FRMD4A: variants seen among roughly 807,000 people sequenced by gnomAD.
The protein encoded by FRMD4A is FERM domain-containing protein 4A.
Under a neutral mutation model 129.1 loss-of-function variants are expected in FRMD4A, and 29 were observed. The ratio of observed to expected loss-of-function variants is 0.22; its 90% CI spans 0.17 to 0.31. The LOEUF (loss-of-function observed/expected upper bound fraction) is 0.31, where lower values mean the gene tolerates loss of function less well. FRMD4A is among the 10% of genes least tolerant of loss of function. FRMD4A has a pLI of 1.00. For synonymous variants in FRMD4A, 634 were observed against 571.6 expected, an observed-to-expected ratio of 1.11 and a Z score of -1.56; for missense variants, 1,272 against 1,375.8, an observed-to-expected ratio of 0.92 and a Z score of 1.19.
Position 13,644,583 on chromosome 10 carries a change from G to C in FRMD4A, c.*2455C>G, listed in dbSNP as rs779117670. ...TTAGAATTTTTGCCTCTCATTCCTT[G>C]CAACTCCAGTGGGCTAGAATCTTGA... On this transcript the variant is annotated 3_prime_UTR_variant, in exon 25 of 25. Transcript: ENST00000357447. 1 of 152,094 alleles carries C rather than the reference G, an allele frequency of 6.6e-6. No individual in the cohort carries two copies. The highest frequency in any genetic ancestry group is 1.5e-5 in the Non-Finnish European group (1 of 68,026). The allele number at this position is 152,094 out of a possible 1,614,324, so 9.4% of individuals were successfully genotyped here.
At chr10:13,968,880 G>T (rs928830425) in intron 2 of FRMD4A, among the ~76,000 whole-genome samples, 1 of 152,192 alleles carries the variant, frequency 6.6e-6, no homozygotes, top group Admixed American at 6.5e-5. Flanking sequence ...CTTGAGCAAA[G>T]GTAGCTGCTC....
At chr10:13,849,085 C>G (rs1589016282) in intron 3 of FRMD4A, among the ~76,000 whole-genome samples, 1 of 152,178 alleles carries the variant, frequency 6.6e-6, no homozygotes, top group East Asian at 1.9e-4. Flanking sequence ...CAGAGAGGAG[C>G]CTAATAAATG....
intron 2 of FRMD4A, among the ~76,000 whole-genome samples, chr10:13,949,948 T>C (rs146890205): frequency 3.1e-4 from 48 of 152,388 alleles, no homozygotes; most frequent in African/African-American, 1.1e-3. Context: ...AATAAGATGT[T>C]AGTCATTTTC....
chr10:14,269,243 G>T (rs1334485098), intron 2 of FRMD4A, among the ~76,000 whole-genome samples: 1 of 152,200 alleles, frequency 6.6e-6, no homozygotes, highest in Non-Finnish European at 1.5e-5. Context: ...GCATAGGTTA[G>T]TTGTATTTGA....
Position 14,157,424 on chromosome 10 carries a change from G to T in FRMD4A, c.45+172634C>A, listed in dbSNP as rs189877555. On this transcript the variant is annotated intron_variant, in intron 2 of 24. Transcript: ENST00000357447. Reference sequence around the variant, plus strand: ...AGGTATTTGGTAGAGTGGAAGCGGAGTGGGATTGGCAGCCAAATATCCCTT... The same window carrying T: ...AGGTATTTGGTAGAGTGGAAGCGGATTGGGATTGGCAGCCAAATATCCCTT... Among the ~76,000 whole-genome samples the T allele has an allele frequency of 3.9e-5, 6 of 152,344 alleles. No individual in the cohort carries two copies. The East Asian group carries it at 1.2e-3, about 29-fold the overall frequency.
At chr10:13,833,632 T>C (rs1462904498) in intron 3 of FRMD4A, among the ~76,000 whole-genome samples, 3 of 152,130 alleles carry the variant, frequency 2.0e-5, no homozygotes, top group East Asian at 3.9e-4. Context: ...GTCAATACAA[T>C]ATCAGTACCT....
Position 13,788,235 on chromosome 10 carries a change from C to A in FRMD4A, c.300-5229G>T, listed in dbSNP as rs547165073. On this transcript the variant is annotated intron_variant, in intron 5 of 24. Transcript: ENST00000357447. The stretch of plus-strand genomic sequence containing the variant: ...GTCCACCCCTCCCACCACCTCTCGG[C>A]TCTCACACCCAGGGCCACTATTTCC... 5.3e-4 allele frequency among the ~76,000 whole-genome samples: 81 copies of A among 152,276 alleles called. 1 individual carries two copies. Among genetic ancestry groups the A allele is most frequent in the African/African-American group, 1.9e-3 (80 of 41,548 alleles).
chr10:13,856,416 C>A (rs1348094781), intron 3 of FRMD4A, among the ~76,000 whole-genome samples: 6 of 152,080 alleles, frequency 3.9e-5, no homozygotes, highest in Non-Finnish European at 8.8e-5. Context: ...TGGGGATACA[C>A]CATGATGGAG....
intron 2 of FRMD4A, among the ~76,000 whole-genome samples, chr10:14,197,768 T>C (rs759875734): frequency 2.0e-5 from 3 of 152,268 alleles, no homozygotes; most frequent in Non-Finnish European, 2.9e-5. Context: ...GGCACTCAAA[T>C]TGCCAACTTC....
At chr10:13,914,618 C>A (rs2698110) in intron 2 of FRMD4A, among the ~76,000 whole-genome samples, 1 of 151,860 alleles carries the variant, frequency 6.6e-6, no homozygotes, top group African/African-American at 2.4e-5. Flanking sequence ...TTCCAACAGG[C>A]CAAAGAGAGA....
chr10:13,754,772 A>C (rs949829599), intron 8 of FRMD4A, among the ~76,000 whole-genome samples: 1 of 152,140 alleles, frequency 6.6e-6, no homozygotes, highest in Non-Finnish European at 1.5e-5. Flanking sequence ...AGTTACTGTT[A>C]AGTTACATAA....
chr10:14,188,542 C>G (rs1032679484), intron 2 of FRMD4A, among the ~76,000 whole-genome samples: 14 of 152,176 alleles, frequency 9.2e-5, no homozygotes, highest in African/African-American at 3.4e-4. Flanking sequence ...AAACTTTAAT[C>G]AAAGAGATAA....
At chr10:14,292,977 A>C (rs1485833322) in intron 2 of FRMD4A, among the ~76,000 whole-genome samples, 2 of 152,224 alleles carry the variant, frequency 1.3e-5, no homozygotes, top group Non-Finnish European at 2.9e-5. Context: ...ATAAGCCACC[A>C]AATGGAGATA....
intron 2 of FRMD4A, among the ~76,000 whole-genome samples, chr10:14,067,787 A>T (rs1236240359): frequency 6.6e-6 from 1 of 152,254 alleles, no homozygotes; most frequent in African/African-American, 2.4e-5. Flanking sequence ...ACTGCACTCC[A>T]GCCTGGGTAA....
At position 13,717,724 on chromosome 10, in the gene FRMD4A, G is replaced by C. The variant is rs1054404177; in HGVS notation, c.760-10611C>G. On this transcript the variant is annotated intron_variant, in intron 12 of 24. Transcript: ENST00000357447. ...TTTTTTTTTTTTCCAGGGGTGGCGG[G>C]GGGGGTTGGCAGTTGGCATTTCTCT... Among the ~76,000 whole-genome samples, 7 of 149,504 alleles carry C rather than the reference G, an allele frequency of 4.7e-5. No homozygotes were observed. The South Asian group carries it at 1.3e-3, about 28-fold the overall frequency.
chr10:13,816,497 G>A lies in FRMD4A; in HGVS notation c.112-5589C>T, dbSNP rs535177834. Among the ~76,000 whole-genome samples the A allele has an allele frequency of 2.0e-5, 3 of 152,290 alleles. No homozygotes were observed. In the South Asian group the frequency reaches 6.2e-4, roughly 32 times the overall value. ...ACCTAGCCTATCCTGATTGATTCAG[G>A]CACTGAGTCTTTTATTTTCTGTACA... is the stretch of plus-strand genomic sequence containing the variant. On this transcript the variant is annotated intron_variant, in intron 3 of 24. Transcript: ENST00000357447.
intron 2 of FRMD4A, among the ~76,000 whole-genome samples, chr10:14,235,712 C>A (rs1331876958): frequency 6.6e-6 from 1 of 152,184 alleles, no homozygotes; most frequent in Non-Finnish European, 1.5e-5. Context: ...CCGTTGCAGC[C>A]GTCACAAAAA....
intron 2 of FRMD4A, among the ~76,000 whole-genome samples, chr10:14,235,439 C>T (rs1286385800): frequency 1.3e-5 from 2 of 152,144 alleles, no homozygotes; most frequent in Non-Finnish European, 2.9e-5. Flanking sequence ...TGAGCCACCG[C>T]GCCCGGCCGC....
At chr10:14,171,776 C>G (rs1046281067) in intron 2 of FRMD4A, among the ~76,000 whole-genome samples, 1 of 152,148 alleles carries the variant, frequency 6.6e-6, no homozygotes, top group African/African-American at 2.4e-5. Flanking sequence ...ATTGAATAAC[C>G]ATAACATGCC....
Sources: gnomAD v4.1 joint callset for allele counts (sites outside exome capture counted in the v4.1 genomes callset) on GRCh38, gnomAD v4.1.1 for gene constraint, MANE v1.5 for transcripts, NCBI Gene and HGNC (gene_info 2026-07-23, HGNC 2026-07-21) for gene names.